B3GALT1: variants seen among roughly 807,000 people sequenced by gnomAD.
B3GALT1 encodes beta-1,3-galactosyltransferase 1, also known as UDP-Gal:betaGlcNAc beta 1,3-galactosyltransferase, polypeptide 1.
B3GALT1 carries 10 observed loss-of-function variants against 23.2 expected under a neutral mutation model. The observed-to-expected ratio is 0.43, with a 90% CI of 0.27 to 0.73. The LOEUF (loss-of-function observed/expected upper bound fraction) is 0.73. Among genes scored for constraint, B3GALT1 ranks in the 30% least tolerant of loss-of-function variants. B3GALT1 has a pLI of 0.21. For missense variants in B3GALT1, 299 were observed against 405.4 expected, an observed-to-expected ratio of 0.74 and a Z score of 2.25; for synonymous variants, 156 against 141.5, an observed-to-expected ratio of 1.10 and a Z score of -0.73.
At position 167,869,675 on chromosome 2, in the gene B3GALT1, G is replaced by A. The variant is rs569683849; in HGVS notation, c.636G>A (p.Pro212=). The A allele has an allele frequency of 2.4e-5, 38 of 1,614,010 alleles. No homozygotes were observed. The highest frequency in any genetic ancestry group is 3.3e-4 in the Middle Eastern group (2 of 6,084). The part of the protein sequence containing the change: ...YFTGYVINGG[P]IRDVRSKWYM... ...CTGGCTATGTCATTAATGGAGGACC[G>A]ATTCGGGATGTCCGCAGTAAGTGGT... The change falls in exon 5 of 5, where the codon CCG becomes CCA. Residue 212 remains proline, a synonymous_variant. Transcript: ENST00000392690. The surrounding 1 kb of genome is among the most constrained non-coding windows in gnomAD (Gnocchi z 6.4).
intron 4 of B3GALT1, among the ~76,000 whole-genome samples, chr2:167,830,482 T>G (rs1203708818): frequency 6.6e-6 from 1 of 152,194 alleles, no homozygotes; most frequent in African/African-American, 2.4e-5. Flanking sequence ...GTACATTAAT[T>G]TACTTCAAAC....
chr2:167,345,438 G>A (rs572189033), intron 1 of B3GALT1, among the ~76,000 whole-genome samples: 1 of 152,030 alleles, frequency 6.6e-6, no homozygotes, highest in African/African-American at 2.4e-5. Context: ...GTAAGATCAG[G>A]ACCCCTACTC....
At chr2:167,674,826 G>A (rs1217288321) in intron 3 of B3GALT1, among the ~76,000 whole-genome samples, 1 of 152,150 alleles carries the variant, frequency 6.6e-6, no homozygotes, top group African/African-American at 2.4e-5. Flanking sequence ...GACATTAAAT[G>A]TGATGAATAG....
intron 2 of B3GALT1, among the ~76,000 whole-genome samples, chr2:167,541,044 T>A (rs1683525959): frequency 6.6e-6 from 1 of 152,228 alleles, no homozygotes; most frequent in African/African-American, 2.4e-5. Context: ...AACCTTTTTA[T>A]AAATAATGGC....
chr2:167,505,692 G>A (rs1470532029), intron 2 of B3GALT1, among the ~76,000 whole-genome samples: 1 of 152,076 alleles, frequency 6.6e-6, no homozygotes, highest in Non-Finnish European at 1.5e-5. Context: ...ATGTATTTTA[G>A]ATCCAAGTGG....
chr2:167,752,075 CT>C (rs35922450), intron 3 of B3GALT1, among the ~76,000 whole-genome samples: 29 of 148,290 alleles, frequency 2.0e-4, no homozygotes, highest in African/African-American at 2.7e-4. Flanking sequence ...TATTGTCTAC[CT>C]TTTTTTTTTG....
chr2:167,603,236 T>C (rs1684905079), intron 2 of B3GALT1, among the ~76,000 whole-genome samples: 1 of 152,130 alleles, frequency 6.6e-6, no homozygotes, highest in Non-Finnish European at 1.5e-5. Context: ...CCACCTCTAC[T>C]CACAACTTTA....
At chr2:167,383,207 A>C (rs916037632) in intron 1 of B3GALT1, among the ~76,000 whole-genome samples, 27 of 146,610 alleles carry the variant, frequency 1.8e-4, no homozygotes, top group Non-Finnish European at 3.9e-4. Flanking sequence ...TTTTTTTTTT[A>C]ATTAGAGTTT....
chr2:167,325,742 G>A (rs1460675733), intron 1 of B3GALT1, among the ~76,000 whole-genome samples: 1 of 128,660 alleles, frequency 7.8e-6, no homozygotes, highest in East Asian at 2.3e-4. Context: ...TTTCGAGATA[G>A]ATTCTTGCTG....
intron 3 of B3GALT1, among the ~76,000 whole-genome samples, chr2:167,721,015 T>G (rs6752605): frequency 6.6e-6 from 1 of 151,930 alleles, no homozygotes; most frequent in African/African-American, 2.4e-5. Flanking sequence ...CTTCATCTCC[T>G]TCCTTCTTTC....
At chr2:167,379,908 C>A (rs1007677298) in intron 1 of B3GALT1, among the ~76,000 whole-genome samples, 2 of 152,246 alleles carry the variant, frequency 1.3e-5, no homozygotes, top group African/African-American at 4.8e-5. Flanking sequence ...CTCCAGATGT[C>A]TGGAGATCTG....
intron 2 of B3GALT1, among the ~76,000 whole-genome samples, chr2:167,601,650 T>C (rs1684879050): frequency 6.6e-6 from 1 of 152,194 alleles, no homozygotes; most frequent in Non-Finnish European, 1.5e-5. Context: ...AGAAATTCAG[T>C]GACTCATTCA....
intron 1 of B3GALT1, among the ~76,000 whole-genome samples, chr2:167,326,083 A>G (rs1424177141): frequency 2.0e-5 from 1 of 50,622 alleles, no homozygotes; most frequent in Non-Finnish European, 8.1e-5. Flanking sequence ...GCTCACCAAT[A>G]TCTGTTTTTT....
rs937201576 is a variant in B3GALT1, at chr2:167,510,590, A to G, written c.-410+20313A>G. On this transcript the variant is annotated intron_variant, in intron 2 of 4. Transcript: ENST00000392690. Reference sequence around the variant, plus strand: ...TATCTCATTCTTTCCCAGATGTGTTACAAAGGCAAACAAATTGCAAGCCTG... The same window carrying G: ...TATCTCATTCTTTCCCAGATGTGTTGCAAAGGCAAACAAATTGCAAGCCTG... Among the ~76,000 whole-genome samples the G allele has an allele frequency of 2.6e-5, 4 of 152,100 alleles. No individual in the cohort carries two copies. In the South Asian group the frequency reaches 8.3e-4, roughly 32 times the overall value.
intron 3 of B3GALT1, among the ~76,000 whole-genome samples, chr2:167,693,067 T>G (rs1243243627): frequency 1.3e-5 from 2 of 151,926 alleles, no homozygotes; most frequent in South Asian, 2.1e-4. Context: ...AACTCGTGAT[T>G]GAATCTTCTG....
chr2:167,780,243 A>G (rs1319036101), intron 3 of B3GALT1, among the ~76,000 whole-genome samples: 1 of 152,230 alleles, frequency 6.6e-6, no homozygotes, highest in Non-Finnish European at 1.5e-5. Context: ...AAGGTATTGC[A>G]TTGCACACAA....
At chr2:167,395,006 A>G (rs1327338994) in intron 1 of B3GALT1, among the ~76,000 whole-genome samples, 2 of 152,154 alleles carry the variant, frequency 1.3e-5, no homozygotes, top group Admixed American at 6.5e-5. Context: ...TCGCTTACCT[A>G]CAGTCTCACC....
At chr2:167,445,901 T>G (rs1698980049) in intron 1 of B3GALT1, among the ~76,000 whole-genome samples, 1 of 152,216 alleles carries the variant, frequency 6.6e-6, no homozygotes, top group Admixed American at 6.5e-5. Flanking sequence ...TTTGATCCTG[T>G]CATTATGATG....
At chr2:167,602,961 A>AT (rs1684900891) in intron 2 of B3GALT1, among the ~76,000 whole-genome samples, 1 of 152,174 alleles carries the variant, frequency 6.6e-6, no homozygotes, top group Admixed American at 6.5e-5. Flanking sequence ...CCTGCACTAC[A>AT]TCCACATGAG....
Sources: gnomAD v4.1 joint callset for allele counts (sites outside exome capture counted in the v4.1 genomes callset) on GRCh38, gnomAD v4.1.1 for gene constraint, Gnocchi (gnomAD v3.1) non-coding constraint, MANE v1.5 for transcripts, NCBI Gene and HGNC (gene_info 2026-07-23, HGNC 2026-07-21) for gene names.